Variants in CALU observed in about 807,000 individuals in gnomAD.
CALU encodes IEF SSP 9302.
Under a neutral mutation model 37.5 loss-of-function variants are expected in CALU, and 13 were observed. The ratio of observed to expected loss-of-function variants is 0.35; its 90% CI spans 0.23 to 0.55. The LOEUF is 0.55. Among genes scored for constraint, CALU ranks in the 20% least tolerant of loss-of-function variants. The probability of loss-of-function intolerance (pLI) is 0.89; values close to 1 mark genes in which losing one functional copy is unlikely to be tolerated. For synonymous variants in CALU, 114 were observed against 133.8 expected (o/e 0.85, Z 1.02); for missense variants, 282 against 391.7 (o/e 0.72, Z 2.36).
chr7:128,755,721 T>C (rs73236099), intron 3 of CALU, among the ~76,000 whole-genome samples: 9,170 of 152,288 alleles, frequency 0.06, 320 homozygotes, highest in Non-Finnish European at 0.069. Context: ...GTGAGTCTTA[T>C]TGAGTTGATG....
At position 128,751,737 on chromosome 7, in the gene CALU, A is replaced by G. The variant is rs538878543; in HGVS notation, c.222-2525A>G. On this transcript the variant is annotated intron_variant, in intron 2 of 6. Transcript: ENST00000249364. ...GCAAGACCCTATCTCAAAAAATAATAATAACAAAATAAGAAAATTTTGCAC... is the reference window on the plus strand; with the variant it reads ...GCAAGACCCTATCTCAAAAAATAATGATAACAAAATAAGAAAATTTTGCAC... Among the ~76,000 whole-genome samples, 3 of 152,302 alleles carry G rather than the reference A, an allele frequency of 2.0e-5. No homozygotes were observed. In the East Asian group the frequency reaches 5.8e-4, roughly 29 times the overall value.
chr7:128,754,735 A>G (rs1780543934), intron 3 of CALU: 1 of 1,533,726 alleles, frequency 6.5e-7, no homozygotes. Context: ...AAGGGGCAAG[A>G]TGTCAGCCTG....
At chr7:128,746,835 C>T (rs1479331885) in intron 1 of CALU, among the ~76,000 whole-genome samples, 1 of 138,578 alleles carries the variant, frequency 7.2e-6, no homozygotes, top group Non-Finnish European at 1.5e-5. Flanking sequence ...GAGGTGCTAT[C>T]TCGGCTCACT....
intron 1 of CALU, among the ~76,000 whole-genome samples, chr7:128,741,525 C>T (rs1010751199): frequency 6.6e-6 from 1 of 152,058 alleles, no homozygotes; most frequent in East Asian, 1.9e-4. Flanking sequence ...GTGGTTCAGA[C>T]GAGTTTTATA....
At chr7:128,760,022 C>T (rs1801043118) in intron 5 of CALU, among the ~76,000 whole-genome samples, 170 bp downstream of exon 5, 1 of 152,124 alleles carries the variant, frequency 6.6e-6, no homozygotes, top group Admixed American at 6.5e-5. Context: ...ATGGGGAAAC[C>T]CCGTCTCTAC....
intron 2 of CALU, among the ~76,000 whole-genome samples, 173 bp downstream of exon 2, chr7:128,748,977 T>C (rs1800555635): frequency 1.3e-5 from 2 of 152,266 alleles, no homozygotes; most frequent in South Asian, 4.1e-4. Context: ...CCTGATTTCA[T>C]ACATTTTTAA....
intron 1 of CALU, among the ~76,000 whole-genome samples, chr7:128,745,924 C>T (rs1424043407): frequency 6.6e-6 from 1 of 152,202 alleles, no homozygotes; most frequent in Non-Finnish European, 1.5e-5. Flanking sequence ...CCTGTCTCTT[C>T]TCCCATGAAC....
Position 128,772,606 on chromosome 7 carries a change from G to A in CALU, c.*3439G>A, listed in dbSNP as rs368257791. ...CTGTTTTCTGGGAGCTGCATGTGTC[G>A]GATTCATCTGTCATGGCCTTCCCAC... On this transcript the variant is annotated 3_prime_UTR_variant, in exon 7 of 7. Transcript: ENST00000249364. The A allele has an allele frequency of 2.7e-5, 43 of 1,613,992 alleles. No homozygotes were observed. The East Asian group carries it at 3.3e-4, about 13-fold the overall frequency.
intron 1 of CALU, among the ~76,000 whole-genome samples, chr7:128,744,982 T>C (rs571646870): frequency 1.3e-5 from 2 of 152,350 alleles, no homozygotes; most frequent in South Asian, 4.1e-4. Context: ...TAAACCAATC[T>C]ATTACATTTC....
chr7:128,753,366 C>T (rs1800749430), intron 2 of CALU, among the ~76,000 whole-genome samples: 1 of 152,110 alleles, frequency 6.6e-6, no homozygotes, highest in African/African-American at 2.4e-5. Flanking sequence ...TGACTTTGCC[C>T]CTATAGTTAA....
chr7:128,743,725 T>A (rs1017916428), intron 1 of CALU, among the ~76,000 whole-genome samples: 2 of 152,058 alleles, frequency 1.3e-5, no homozygotes, highest in African/African-American at 4.8e-5. Context: ...TTGCCTAGGC[T>A]GGTCTTGAAC....
chr7:128,770,259 G>C lies in CALU; in HGVS notation c.*1092G>C, dbSNP rs1801506729. 1.3e-5 allele frequency: 2 copies of C among 152,556 alleles called. No homozygotes were observed. Among genetic ancestry groups the C allele is most frequent in the South Asian group, 4.2e-4 (2 of 4,818 alleles). The allele number at this position is 152,556 out of a possible 1,614,324, so 9.5% of individuals were successfully genotyped here. On this transcript the variant is annotated 3_prime_UTR_variant, in exon 7 of 7. Transcript: ENST00000249364. The stretch of plus-strand genomic sequence containing the variant: ...AGCCTAGAACCTCCCAGTAGAGTGG[G>C]GATTTTTTTCTTCTTCCCTTTCTCT...
intron 5 of CALU, among the ~76,000 whole-genome samples, chr7:128,766,348 C>G (rs1001281417): frequency 2.6e-5 from 4 of 151,218 alleles, no homozygotes; most frequent in Admixed American, 6.6e-5. Flanking sequence ...AATTTAAAAC[C>G]TTTTGACATG....
intron 5 of CALU, among the ~76,000 whole-genome samples, chr7:128,765,175 A>G (rs62479587): frequency 0.3 from 45,632 of 151,976 alleles, 8,092 homozygotes; most frequent in Non-Finnish European, 0.41. Flanking sequence ...TTGGCCTCCC[A>G]AAGTGCTGGG....
chr7:128,766,707 T>TA (rs1303823434), intron 5 of CALU, among the ~76,000 whole-genome samples: 1 of 152,176 alleles, frequency 6.6e-6, no homozygotes, highest in Non-Finnish European at 1.5e-5. Context: ...TCTGCCTGCC[T>TA]AGGCCTCCCA....
intron 5 of CALU, among the ~76,000 whole-genome samples, chr7:128,760,881 C>T (rs982003843): frequency 2.1e-4 from 32 of 151,984 alleles, no homozygotes; most frequent in Non-Finnish European, 3.5e-4. Context: ...GCACTCCAGC[C>T]GGGGCTACAG....
chr7:128,762,719 T>C (rs56014198), intron 5 of CALU, among the ~76,000 whole-genome samples: 45,642 of 151,948 alleles, frequency 0.3, 8,075 homozygotes, highest in Non-Finnish European at 0.41. Context: ...CAGGCTGGAG[T>C]GCAGTGGCGT....
At position 128,772,047 on chromosome 7, in the gene CALU, C is replaced by T. The variant is rs1404212620; in HGVS notation, c.*2880C>T. Reference sequence around the variant, plus strand: ...AGTTCTTTCAAACTCATATTTGGGGCCACTGAGTTTTTTTTGTTTTTTTTT... The same window carrying T: ...AGTTCTTTCAAACTCATATTTGGGGTCACTGAGTTTTTTTTGTTTTTTTTT... On this transcript the variant is annotated 3_prime_UTR_variant, in exon 7 of 7. Transcript: ENST00000249364. Among the ~76,000 whole-genome samples, 1 of 150,668 alleles carries T rather than the reference C, an allele frequency of 6.6e-6. No individual in the cohort carries two copies. The highest frequency in any genetic ancestry group is 2.5e-5 in the African/African-American group (1 of 40,716).
intron 5 of CALU, among the ~76,000 whole-genome samples, chr7:128,766,193 C>CTCAAGTGA (rs2128883067): frequency 1.3e-5 from 2 of 152,106 alleles, no homozygotes; most frequent in South Asian, 4.1e-4. Context: ...AACTCCTGAC[C>CTCAAGTGA]TCAAGTGATC....
Sources: gnomAD v4.1 joint callset for allele counts (sites outside exome capture counted in the v4.1 genomes callset) on GRCh38, gnomAD v4.1.1 for gene constraint, MANE v1.5 for transcripts, NCBI Gene and HGNC (gene_info 2026-07-23, HGNC 2026-07-21) for gene names.